The following VEPH1 variants were observed in gnomAD, a reference collection of about 807,000 sequenced individuals.
VEPH1 encodes the protein ventricular zone expressed PH domain containing 1, also known as ventricular zone-expressed PH domain-containing protein homolog 1.
Under a neutral mutation model 85.2 loss-of-function variants are expected in VEPH1, and 80 were observed. The observed-to-expected ratio is 0.94, with a 90% CI of 0.78 to 1.13. The LOEUF is 1.13. Ranked by LOEUF, VEPH1 falls within the 50% of genes most tolerant of loss-of-function variation. VEPH1 has a pLI of 0.00. For synonymous variants in VEPH1, 297 were observed against 348.0 expected (o/e 0.85, Z 1.63); for missense variants, 955 against 980.5 (o/e 0.97, Z 0.35).
At chr3:157,310,457 G>T (rs1719985789) in intron 11 of VEPH1, among the ~76,000 whole-genome samples, 1 of 152,142 alleles carries the variant, frequency 6.6e-6, no homozygotes, top group African/African-American at 2.4e-5. Flanking sequence ...AGAGACAAAG[G>T]ACACACAGCT....
chr3:157,301,588 C>T (rs532542329), intron 11 of VEPH1, among the ~76,000 whole-genome samples: 4 of 152,292 alleles, frequency 2.6e-5, no homozygotes, highest in Admixed American at 6.5e-5. Context: ...TACTTCTGTT[C>T]GTACCTTGCC....
chr3:157,451,978 G>A (rs958327564), intron 4 of VEPH1, among the ~76,000 whole-genome samples: 3 of 152,200 alleles, frequency 2.0e-5, no homozygotes, highest in Non-Finnish European at 4.4e-5. Flanking sequence ...GCTAAACACA[G>A]AGTATGGCAG....
chr3:157,444,421 A>G (rs1734385739), intron 4 of VEPH1, among the ~76,000 whole-genome samples: 1 of 152,218 alleles, frequency 6.6e-6, no homozygotes, highest in Non-Finnish European at 1.5e-5. Flanking sequence ...GAGTATGTTC[A>G]TCATATAAGT....
intron 9 of VEPH1, among the ~76,000 whole-genome samples, chr3:157,360,406 C>T (rs1264558559): frequency 6.6e-6 from 1 of 152,050 alleles, no homozygotes; most frequent in Non-Finnish European, 1.5e-5. Flanking sequence ...TAGGTCATCC[C>T]TGGCAGGAAA....
intron 11 of VEPH1, among the ~76,000 whole-genome samples, chr3:157,295,520 A>G (rs144411426): frequency 2.3e-4 from 35 of 152,276 alleles, no homozygotes; most frequent in South Asian, 1.9e-3. Context: ...TGACTCTACT[A>G]TGGACTTAGA....
At chr3:157,391,297 C>T (rs747307863) in intron 6 of VEPH1, among the ~76,000 whole-genome samples, 1 of 152,234 alleles carries the variant, frequency 6.6e-6, no homozygotes, top group Non-Finnish European at 1.5e-5. Context: ...GTCATCAGTA[C>T]ATGAGAGGCA....
intron 6 of VEPH1, among the ~76,000 whole-genome samples, chr3:157,402,966 A>T (rs1444971051): frequency 6.6e-6 from 1 of 152,166 alleles, no homozygotes; most frequent in African/African-American, 2.4e-5. Flanking sequence ...AGCTCTGTTC[A>T]TGTAAACCAG....
At position 157,489,918 on chromosome 3, in the gene VEPH1, G is replaced by T. The variant is rs1161557447; in HGVS notation, c.138+5294C>A. Among the ~76,000 whole-genome samples the T allele has an allele frequency of 2.0e-5, 3 of 151,532 alleles. No homozygotes were observed. In the East Asian group the frequency reaches 5.8e-4, roughly 29 times the overall value. On this transcript the variant is annotated intron_variant, in intron 2 of 13. Transcript: ENST00000362010. ...TTTATGTTATAACCAACTGAAAATA[G>T]AATTGGAAAATATAATTTTAAAAAA...
intron 9 of VEPH1, among the ~76,000 whole-genome samples, chr3:157,322,247 A>G (rs1721431006): frequency 6.6e-6 from 1 of 151,676 alleles, no homozygotes; most frequent in Non-Finnish European, 1.5e-5. Context: ...CACTTAGCAT[A>G]ATATCTTCAA....
chr3:157,441,545 C>T (rs890090662), intron 4 of VEPH1, among the ~76,000 whole-genome samples: 4 of 152,074 alleles, frequency 2.6e-5, no homozygotes, highest in East Asian at 3.9e-4. Flanking sequence ...TGTGGTGGCT[C>T]ATGCCTGTAA....
intron 6 of VEPH1, among the ~76,000 whole-genome samples, chr3:157,412,931 C>T (rs1429135699): frequency 1.3e-5 from 2 of 152,090 alleles, no homozygotes; most frequent in Non-Finnish European, 1.5e-5. Context: ...TACCAAAGAT[C>T]TAATTCTAAC....
chr3:157,333,770 A>G (rs373376800), intron 9 of VEPH1, among the ~76,000 whole-genome samples: 2 of 152,358 alleles, frequency 1.3e-5, no homozygotes, highest in Non-Finnish European at 1.5e-5. Flanking sequence ...TGCAAAATGC[A>G]TAACAGTAAC....
At chr3:157,327,937 A>G (rs558809233) in intron 9 of VEPH1, among the ~76,000 whole-genome samples, 3 of 152,310 alleles carry the variant, frequency 2.0e-5, no homozygotes, top group Admixed American at 2.0e-4. Context: ...AACTTCTCTG[A>G]TCCCTTATCC....
chr3:157,407,647 C>T (rs962980516), intron 6 of VEPH1, among the ~76,000 whole-genome samples: 1 of 152,120 alleles, frequency 6.6e-6, no homozygotes, highest in Non-Finnish European at 1.5e-5. Context: ...CATTCAGCTG[C>T]TTTCCTTGGA....
At chr3:157,280,624 T>C (rs910229347) in intron 12 of VEPH1, among the ~76,000 whole-genome samples, 7 of 152,252 alleles carry the variant, frequency 4.6e-5, no homozygotes, top group East Asian at 1.9e-4. Flanking sequence ...AGCATAATAC[T>C]AAAATTCAGT....
rs1160799675 is a variant in VEPH1 at position 157,503,369 on chromosome 3, G to A, written c.-250C>T. 1 of 152,176 alleles carries A rather than the reference G, an allele frequency of 6.6e-6. No homozygotes were observed. The highest frequency in any genetic ancestry group is 2.4e-5 in the African/African-American group (1 of 41,432). The allele number at this position is 152,176 out of a possible 1,614,324, so 9.4% of individuals were successfully genotyped here. A position where few individuals can be genotyped will look rare whatever the true frequency, so the allele number is the denominator to read the frequency against. ...GCTGGGACCCATGACCATGCTCAGAGGCAGCCTTGCAGCTGCTGCCCAGTC... is the reference window on the plus strand; with the variant it reads ...GCTGGGACCCATGACCATGCTCAGAAGCAGCCTTGCAGCTGCTGCCCAGTC... On this transcript the variant is annotated 5_prime_UTR_variant, in exon 1 of 14. Coordinates refer to ENST00000362010, the MANE Select transcript of VEPH1 (RefSeq NM_001167912.2).
At chr3:157,477,748 A>C (rs1190448904) in intron 2 of VEPH1, among the ~76,000 whole-genome samples, 1 of 152,154 alleles carries the variant, frequency 6.6e-6, no homozygotes, top group East Asian at 1.9e-4. Context: ...AGCTATGGTG[A>C]GGGATAGAAG....
chr3:157,396,601 CTGT>C (rs1378673487), intron 6 of VEPH1, among the ~76,000 whole-genome samples: 3 of 152,196 alleles, frequency 2.0e-5, no homozygotes, highest in Non-Finnish European at 4.4e-5. Context: ...TTGCCAGCAT[CTGT>C]TGTTTCTTGA....
At chr3:157,389,082 T>C (rs536103901) in intron 6 of VEPH1, among the ~76,000 whole-genome samples, 1 of 152,346 alleles carries the variant, frequency 6.6e-6, no homozygotes, top group East Asian at 1.9e-4. Context: ...AAGCCTCTGG[T>C]TACATTTTTG....
Sources: gnomAD v4.1 joint callset for allele counts (sites outside exome capture counted in the v4.1 genomes callset) on GRCh38, gnomAD v4.1.1 for gene constraint, MANE v1.5 for transcripts, NCBI Gene and HGNC (gene_info 2026-07-23, HGNC 2026-07-21) for gene names.